Variants in SEM1 observed in about 807,000 individuals in gnomAD.
SEM1 encodes 26S proteasome complex subunit SEM1.
SEM1 carries 3 observed loss-of-function variants against 12.7 expected under a neutral mutation model. The observed-to-expected ratio is 0.24, with a 90% CI of 0.11 to 0.61. The LOEUF (loss-of-function observed/expected upper bound fraction) is 0.61, where lower values mean the gene tolerates loss of function less well. Among genes scored for constraint, SEM1 ranks in the 20% least tolerant of loss-of-function variants. The probability of loss-of-function intolerance (pLI) is 0.88; values close to 1 mark genes in which losing one functional copy is unlikely to be tolerated. For synonymous variants in SEM1, 30 were observed against 27.8 expected (o/e 1.08, Z -0.25); for missense variants, 59 against 81.3 (o/e 0.73, Z 1.06).
At chr7:96,701,628 A>C (rs761792092) in intron 1 of SEM1, among the ~76,000 whole-genome samples, 3 of 152,190 alleles carry the variant, frequency 2.0e-5, no homozygotes, top group Non-Finnish European at 4.4e-5. Context: ...ATTATTAGCC[A>C]TATATTACAG....
At chr7:96,703,568 T>C (rs1359149203) in intron 1 of SEM1, among the ~76,000 whole-genome samples, 1 of 152,030 alleles carries the variant, frequency 6.6e-6, no homozygotes, top group Admixed American at 6.6e-5. Context: ...ACATATTCAT[T>C]ATCTGTAACA....
upstream of SEM1, among the ~76,000 whole-genome samples, chr7:96,498,586 C>G (rs1803387493): frequency 6.6e-6 from 1 of 152,114 alleles, no homozygotes; most frequent in African/African-American, 2.4e-5. Flanking sequence ...TAAGATTGTT[C>G]AGAGCTTTTT....
intron 2 of SEM1, chr7:96,653,840 T>TGAAA (rs547700807): frequency 2.0e-5 from 3 of 152,194 alleles, no homozygotes; most frequent in Non-Finnish European, 4.4e-5. Flanking sequence ...CTTTTTCTTC[T>TGAAA]GAAAGAGGAT....
At chr7:96,508,276 A>T (rs1803818104) in intron 2 of SEM1, among the ~76,000 whole-genome samples, 1 of 152,136 alleles carries the variant, frequency 6.6e-6, no homozygotes, top group African/African-American at 2.4e-5. Context: ...GTATTTATGT[A>T]TTGCTCATAT....
intron 2 of SEM1, among the ~76,000 whole-genome samples, chr7:96,511,082 G>A (rs1053308309): frequency 6.6e-5 from 10 of 152,060 alleles, no homozygotes; most frequent in Non-Finnish European, 1.3e-4. Flanking sequence ...TCAAGCAAAC[G>A]TCCTTGGTAG....
chr7:96,653,849 A>C (rs1809085777), intron 2 of SEM1: 1 of 152,250 alleles, frequency 6.6e-6, no homozygotes, highest in Non-Finnish European at 1.5e-5. Context: ...CTGAAAGAGG[A>C]TAAAATGAAG....
chr7:96,482,937 A>T (rs957104865), exon 4 of SEM1: 1 of 152,154 alleles, frequency 6.6e-6, no homozygotes, highest in African/African-American at 2.4e-5. Context: ...TCTAAGAAGA[A>T]GGATGAATAG....
intron 2 of SEM1, among the ~76,000 whole-genome samples, chr7:96,655,638 G>A (rs893522077): frequency 2.0e-5 from 3 of 151,902 alleles, no homozygotes; most frequent in Non-Finnish European, 2.9e-5. Context: ...CTCCACACCC[G>A]TGAACTAACA....
At position 96,673,861 on chromosome 7, in the gene SEM1, T is replaced by C. The variant is rs768321304; in HGVS notation, c.171-2A>G. The C allele has an allele frequency of 7.5e-5, 57 of 764,850 alleles. No homozygotes were observed. Among genetic ancestry groups the C allele is most frequent in the Non-Finnish European group, 7.2e-6 (3 of 417,764 alleles). The allele number at this position is 764,850 out of a possible 1,614,324, so 47.4% of individuals were successfully genotyped here. A position where few individuals can be genotyped will look rare whatever the true frequency, so the allele number is the denominator to read the frequency against. ...AATATCATCAGGAGTACAGTTGCCC[T>C]GGAAAACAGACTTTGTGTAAGCAAA... On this transcript the variant is annotated splice_acceptor_variant, in intron 2 of 2. Transcript: ENST00000413065. LOFTEE classifies it high-confidence loss of function.
intron 2 of SEM1, among the ~76,000 whole-genome samples, chr7:96,569,652 C>A (rs1186481513): frequency 6.6e-6 from 1 of 152,074 alleles, no homozygotes; most frequent in Non-Finnish European, 1.5e-5. Context: ...ATCACCTGAA[C>A]AGTGGACATT....
At chr7:96,494,879 G>A (rs1206827277) in intron 1 of SEM1, among the ~76,000 whole-genome samples, 1 of 128,190 alleles carries the variant, frequency 7.8e-6, no homozygotes, top group East Asian at 2.4e-4. Flanking sequence ...GAGATAATGA[G>A]AGAGAAGGGG....
At chr7:96,551,093 G>C (rs1295717704) in intron 2 of SEM1, among the ~76,000 whole-genome samples, 3 of 152,244 alleles carry the variant, frequency 2.0e-5, no homozygotes, top group Middle Eastern at 6.8e-3. Flanking sequence ...AAGGAAGTAG[G>C]AATATACAGG....
chr7:96,530,277 G>A (rs1268029339), intron 2 of SEM1, among the ~76,000 whole-genome samples: 6 of 152,098 alleles, frequency 3.9e-5, no homozygotes, highest in Admixed American at 3.9e-4. Context: ...AGGGGATATG[G>A]TGAAAGAGTA....
intron 1 of SEM1, among the ~76,000 whole-genome samples, chr7:96,702,867 A>G (rs554016874): frequency 6.6e-6 from 1 of 152,358 alleles, no homozygotes; most frequent in East Asian, 1.9e-4. Flanking sequence ...AACTTCTATC[A>G]TGAGGAAATA....
At chr7:96,600,412 A>G (rs1195781627) in intron 2 of SEM1, among the ~76,000 whole-genome samples, 1 of 152,322 alleles carries the variant, frequency 6.6e-6, no homozygotes, top group East Asian at 1.9e-4. Flanking sequence ...AACTTTCTAG[A>G]ATGAGTTAGC....
intron 2 of SEM1, among the ~76,000 whole-genome samples, chr7:96,694,339 A>G (rs901432929): frequency 5.9e-5 from 9 of 152,002 alleles, no homozygotes; most frequent in Non-Finnish European, 1.2e-4. Flanking sequence ...GCTTAATTTT[A>G]TGTTACATGA....
At chr7:96,583,570 T>G (rs1240896217) in intron 2 of SEM1, among the ~76,000 whole-genome samples, 21 of 149,764 alleles carry the variant, frequency 1.4e-4, no homozygotes, top group East Asian at 6.1e-4. Flanking sequence ...TTGACAGTGG[T>G]GTGTTAAAGT....
chr7:96,580,812 G>C (rs1584781160), intron 2 of SEM1, among the ~76,000 whole-genome samples: 1 of 151,988 alleles, frequency 6.6e-6, no homozygotes, highest in Non-Finnish European at 1.5e-5. Context: ...CTTTTTGATG[G>C]GGTTGTTTGT....
At chr7:96,708,412 T>C (rs1344663003) in intron 1 of SEM1, among the ~76,000 whole-genome samples, 3 of 152,258 alleles carry the variant, frequency 2.0e-5, no homozygotes, top group Non-Finnish European at 2.9e-5. Flanking sequence ...GTTCCAGCTA[T>C]GTGGTTTTAT....
Sources: allele counts gnomAD v4.1 joint callset (sites outside exome capture counted in the v4.1 genomes callset), GRCh38; gene constraint gnomAD v4.1.1; transcripts MANE v1.5; gene names NCBI Gene and HGNC (gene_info 2026-07-23, HGNC 2026-07-21).